HERC6: variants seen among roughly 807,000 people sequenced by gnomAD.
HERC6 encodes the protein probable E3 ubiquitin-protein ligase HERC6.
A neutral mutation model predicts 114.5 loss-of-function variants in HERC6; 101 were observed. The observed-to-expected ratio is 0.88, with a 90% confidence interval of 0.75 to 1.04. The LOEUF (loss-of-function observed/expected upper bound fraction) is 1.04. HERC6 is among the 50% of genes least tolerant of loss of function. The pLI, the probability that HERC6 is intolerant of heterozygous loss-of-function variation, is 0.00. For missense variants in HERC6, 1,133 were observed against 1,230.9 expected, an observed-to-expected ratio of 0.92 and a Z score of 1.19; for synonymous variants, 408 against 436.2, an observed-to-expected ratio of 0.94 and a Z score of 0.81.
chr4:88,417,875 A>G (rs745767978), intron 13 of HERC6, among the ~76,000 whole-genome samples: 1 of 152,050 alleles, frequency 6.6e-6, no homozygotes, highest in Non-Finnish European at 1.5e-5. Context: ...GAGCCCAGGA[A>G]TTTGAGGCTG....
In HERC6 at chr4:88,379,083, G is replaced by A; in HGVS notation, c.162G>A (p.Gln54=). 6.5e-7 allele frequency: 1 copy of A among 1,548,840 alleles called. No homozygotes were observed. Among genetic ancestry groups the A allele is most frequent in the Non-Finnish European group, 8.7e-7 (1 of 1,148,020 alleles). Residue 54 remains glutamine (Q), a synonymous_variant, in exon 1 of 23, where the codon CAG becomes CAA. Transcript: ENST00000264346. The part of the protein sequence containing the change: ...VLSCGDNSRG[Q]LGRRGAQRGE... ...CGTGCGGAGACAACAGCAGGGGTCA[G>A]CTGGGCCGCAGGGGCGCGCAGCGCG...
Position 88,442,518 on chromosome 4 carries a change from T to C in HERC6, c.*58T>C. ...ACACTTGGATCCTTCTGTTCTTCCTTACACCTAAATAATACAAGAGATTAA... is the reference window on the plus strand; with the variant it reads ...ACACTTGGATCCTTCTGTTCTTCCTCACACCTAAATAATACAAGAGATTAA... On this transcript the variant is annotated 3_prime_UTR_variant, in exon 23 of 23. Transcript: ENST00000264346. 8.4e-7 allele frequency: 1 copy of C among 1,193,200 alleles called. No individual in the cohort carries two copies. The highest frequency in any genetic ancestry group is 1.2e-6 in the Non-Finnish European group (1 of 813,984). The allele number at this position is 1,193,200 out of a possible 1,614,324, so 73.9% of individuals were successfully genotyped here. A position where few individuals can be genotyped will look rare whatever the true frequency, so the allele number is the denominator to read the frequency against.
chr4:88,382,254 G>T (rs773470262), intron 1 of HERC6, among the ~76,000 whole-genome samples: 23 of 152,280 alleles, frequency 1.5e-4, no homozygotes, highest in Non-Finnish European at 2.1e-4. Flanking sequence ...TAATAATTCA[G>T]AGACAGACAC....
intron 13 of HERC6, among the ~76,000 whole-genome samples, chr4:88,419,803 T>C (rs1736847752): frequency 6.6e-6 from 1 of 152,158 alleles, no homozygotes. Context: ...TAATATTTGG[T>C]CTCGGTTCTG....
At chr4:88,393,629 A>G in intron 5 of HERC6, 47 bp downstream of exon 5, 1 of 1,149,638 alleles carries the variant, frequency 8.7e-7, no homozygotes, top group Non-Finnish European at 1.3e-6. Flanking sequence ...GAGAAATGGT[A>G]ACAAGATACA....
In HERC6 at chr4:88,408,547, T is replaced by C. The variant is rs1257271865; in HGVS notation, c.1298T>C (p.Ile433Thr). ...KKRGTGETTS[I>T]DVDLEMARDT... ...AGAGGAACTGGAGAAACGACTTCCA[T>C]TGATGTGGACTTAGAAATGGCAAGA... The change falls in exon 11 of 23, where the codon ATT (isoleucine) becomes ACT (threonine). Residue 433 changes from isoleucine (I) to threonine (T), a missense_variant. By Grantham distance (89) the Ile-to-Thr change is moderately conservative (BLOSUM62 -1). Coordinates refer to ENST00000264346, the MANE Select transcript of HERC6 (RefSeq NM_017912.4). The C allele has an allele frequency of 2.5e-6, 4 of 1,600,066 alleles. No homozygotes were observed. The highest frequency in any genetic ancestry group is 3.4e-6 in the Non-Finnish European group (4 of 1,172,806).
intron 8 of HERC6, 146 bp from the exon 9 acceptor site, chr4:88,404,730 C>G (rs551184006): frequency 1.7e-5 from 17 of 975,960 alleles, no homozygotes. Context: ...ATAGCCCTAC[C>G]GGTCTGACGC....
At chr4:88,394,528 A>AATT (rs200735450) in intron 5 of HERC6, among the ~76,000 whole-genome samples, 27,900 of 142,154 alleles carry the variant, frequency 0.2, 2,964 homozygotes, top group African/African-American at 0.26. Flanking sequence ...CCCTTTTAGC[A>AATT]ATTATTATTA....
intron 22 of HERC6, among the ~76,000 whole-genome samples, chr4:88,441,270 T>TAGC (rs1739324820): frequency 6.6e-6 from 1 of 152,220 alleles, no homozygotes; most frequent in East Asian, 1.9e-4. Context: ...ATGATAATAA[T>TAGC]AGCAGCAGCA....
chr4:88,397,260 G>C (rs1031430332), intron 7 of HERC6, among the ~76,000 whole-genome samples: 2 of 151,604 alleles, frequency 1.3e-5, no homozygotes, highest in African/African-American at 4.8e-5. Context: ...TTACAGGCAT[G>C]CGCCACCATG....
Position 88,440,185 on chromosome 4 carries a change from C to A in HERC6, c.2777C>A (p.Pro926His), listed in dbSNP as rs1739205570. The stretch of plus-strand genomic sequence containing the variant: ...GAGCAAGGATACCAAAAATCACATC[C>A]TACTATACAGTTGTTTTGGAAGGCT... ...KYEQGYQKSH[P>H]TIQLFWKAFH... The change falls in exon 22 of 23, where the codon CCT (proline) becomes CAT (histidine). Residue 926 changes from proline (P) to histidine (H), a missense_variant. Coordinates refer to ENST00000264346, the MANE Select transcript of HERC6 (RefSeq NM_017912.4). The A allele has an allele frequency of 6.2e-7, 1 of 1,609,076 alleles. No homozygotes were observed. Among genetic ancestry groups the A allele is most frequent in the Admixed American group, 1.7e-5 (1 of 59,282 alleles).
chr4:88,412,971 A>G (rs1026255165), intron 11 of HERC6, 106 bp from the exon 12 acceptor site: 2 of 777,070 alleles, frequency 2.6e-6, no homozygotes, highest in South Asian at 2.0e-5. Context: ...TGATTATTCT[A>G]ATTGGAACAT....
Position 88,440,003 on chromosome 4 carries a change from A to C in HERC6, c.2685A>C (p.Glu895Asp). 1.9e-6 allele frequency: 3 copies of C among 1,612,018 alleles called. No individual in the cohort carries two copies. The highest frequency in any genetic ancestry group is 2.5e-6 in the Non-Finnish European group (3 of 1,179,390). The change falls in exon 21 of 23, where the codon GAA becomes GAC. Residue 895 changes from glutamate to aspartate, a missense_variant. Around this residue, in one of 3 missense-constraint regions of HERC6, gnomAD observed 388 missense variants for 445.9 expected, o/e 0.87. Transcript: ENST00000264346. ...KEILRHFYPEELMTAIIGNTD... is the reference protein window; with the variant it reads ...KEILRHFYPEDLMTAIIGNTD... The stretch of plus-strand genomic sequence containing the variant: ...TACTTAGACATTTCTACCCTGAAGA[A>C]CTAATGACAGCAATCATTGGAAATA...
chr4:88,426,085 G>T (rs1737577774), intron 15 of HERC6, among the ~76,000 whole-genome samples: 1 of 152,082 alleles, frequency 6.6e-6, no homozygotes, highest in Non-Finnish European at 1.5e-5. Flanking sequence ...CGAATTCCAG[G>T]TTTATTTATA....
intron 2 of HERC6, among the ~76,000 whole-genome samples, chr4:88,383,763 C>CAAAAAAA (rs753643806): frequency 5.6e-4 from 16 of 28,758 alleles, no homozygotes; most frequent in Non-Finnish European, 7.2e-4. Flanking sequence ...GACTCAGTCT[C>CAAAAAAA]AAAAAAAAAA....
Position 88,378,916 on chromosome 4 carries a change from A to G in HERC6, c.-6A>G. 2 of 1,584,452 alleles carry G rather than the reference A, an allele frequency of 1.3e-6. No homozygotes were observed. The highest frequency in any genetic ancestry group is 1.7e-6 in the Non-Finnish European group (2 of 1,165,448). The stretch of plus-strand genomic sequence containing the variant: ...TCCGGAGCAGGCGACAGGGCGCAGA[A>G]GCGGGATGTACTTCTGTTGGGGCGC... On this transcript the variant is annotated 5_prime_UTR_variant, in exon 1 of 23. Coordinates refer to ENST00000264346, the MANE Select transcript of HERC6 (RefSeq NM_017912.4).
Position 88,440,018 on chromosome 4 carries a change from C to T in HERC6, c.2700C>T (p.Ile900=). The T allele has an allele frequency of 6.2e-7, 1 of 1,611,024 alleles. No individual in the cohort carries two copies. The highest frequency in any genetic ancestry group is 2.2e-5 in the East Asian group (1 of 44,834). The change falls in exon 21 of 23, where the codon ATC becomes ATT. Residue 900 remains isoleucine, a synonymous_variant. Coordinates refer to ENST00000264346, the MANE Select transcript of HERC6 (RefSeq NM_017912.4). ...ACCCTGAAGAACTAATGACAGCAAT[C>T]ATTGGAAATACTGATTATGACTGGA... ...HFYPEELMTA[I]IGNTDYDWKQ...
chr4:88,412,461 G>A (rs752206776), intron 11 of HERC6, among the ~76,000 whole-genome samples: 4 of 152,038 alleles, frequency 2.6e-5, no homozygotes, highest in Non-Finnish European at 5.9e-5. Context: ...TTCTAAAATG[G>A]GCTGGCTGTG....
chr4:88,391,199 T>C (rs969395630), intron 4 of HERC6, among the ~76,000 whole-genome samples: 2 of 152,158 alleles, frequency 1.3e-5, no homozygotes, highest in African/African-American at 4.8e-5. Flanking sequence ...TTTCGTGCCT[T>C]CCCCAGCTTC....
Sources: allele counts gnomAD v4.1 joint callset (sites outside exome capture counted in the v4.1 genomes callset), GRCh38; gene constraint gnomAD v4.1.1; regional missense constraint gnomAD v4.1.1; transcripts MANE v1.5; gene names NCBI Gene and HGNC (gene_info 2026-07-23, HGNC 2026-07-21).